Variants in NWD2 observed in about 807,000 individuals in gnomAD.
NWD2 encodes NACHT and WD repeat domain-containing protein 2.
Under a neutral mutation model 132.7 loss-of-function variants are expected in NWD2, and 37 were observed. The observed-to-expected ratio is 0.28, with a 90% CI of 0.21 to 0.37. NWD2 has a LOEUF of 0.37. Among genes scored for constraint, NWD2 ranks in the 10% least tolerant of loss-of-function variants. The pLI, the probability that NWD2 is intolerant of heterozygous loss-of-function variation, is 1.00. For missense variants in NWD2, 1,592 were observed against 2,122.4 expected (o/e 0.75, Z 4.91); for synonymous variants, 705 against 803.0 (o/e 0.88, Z 2.06).
chr4:37,386,283 C>CAT (rs1720563559), intron 3 of NWD2, among the ~76,000 whole-genome samples: 1 of 152,032 alleles, frequency 6.6e-6, no homozygotes, highest in African/African-American at 2.4e-5. Flanking sequence ...CACACACACA[C>CAT]ACATAAATTC....
rs1173198251 is a variant in NWD2, at chr4:37,447,189, G to C, written c.5201G>C (p.Arg1734Thr). Residue 1734 changes from arginine (R) to threonine (T), a missense_variant, in exon 7 of 7, where the codon AGG becomes ACG. Physicochemically the swap from Arg to Thr is moderately conservative, Grantham distance 71. Around this residue, in one of 7 missense-constraint regions of NWD2, gnomAD observed 257 missense variants for 335.0 expected, o/e 0.77. Coordinates refer to ENST00000309447, the MANE Select transcript of NWD2 (RefSeq NM_001144990.2). ...CGGGTATGCTCGGCCCTAGAAGCCA[G>C]GGGCCACAGCTATGCCCCTGATAAC... Reference protein sequence around the residue: ...YERVCSALEARGHSYAPDN With the variant: ...YERVCSALEATGHSYAPDN 1.3e-6 allele frequency: 2 copies of C among 1,551,138 alleles called. No individual in the cohort carries two copies. Among genetic ancestry groups the C allele is most frequent in the Admixed American group, 3.9e-5 (2 of 50,998 alleles).
At chr4:37,434,348 A>G (rs1197628162) in intron 5 of NWD2, among the ~76,000 whole-genome samples, 1 of 152,216 alleles carries the variant, frequency 6.6e-6, no homozygotes, top group Non-Finnish European at 1.5e-5. Context: ...TAATGGATCT[A>G]TTGAGTTCCT....
At chr4:37,290,219 CAT>C (rs1718329829) in intron 1 of NWD2, among the ~76,000 whole-genome samples, 1 of 152,172 alleles carries the variant, frequency 6.6e-6, no homozygotes, top group African/African-American at 2.4e-5. Context: ...CTAGGATAAA[CAT>C]AGACAATACC....
chr4:37,251,421 G>A (rs1717357522), intron 1 of NWD2, among the ~76,000 whole-genome samples: 1 of 152,190 alleles, frequency 6.6e-6, no homozygotes, highest in Non-Finnish European at 1.5e-5. Context: ...ATCTTTCATG[G>A]AATTAGGTGC....
chr4:37,434,544 C>T (rs1001649), intron 5 of NWD2, among the ~76,000 whole-genome samples: 80,366 of 151,946 alleles, frequency 0.53, 21,352 homozygotes, highest in Admixed American at 0.57. Context: ...TAAAATAAAG[C>T]ACAGTCATAG....
chr4:37,395,072 T>C (rs1720760795), intron 3 of NWD2, among the ~76,000 whole-genome samples: 1 of 151,810 alleles, frequency 6.6e-6, no homozygotes, highest in Admixed American at 6.6e-5. Flanking sequence ...CCCCCAATCC[T>C]GGGCTTACAA....
intron 2 of NWD2, among the ~76,000 whole-genome samples, chr4:37,342,485 G>A (rs950769750): frequency 6.6e-6 from 1 of 152,204 alleles, no homozygotes; most frequent in Admixed American, 6.5e-5. Flanking sequence ...TGACAAAGGC[G>A]TATGGTTTGT....
intron 1 of NWD2, among the ~76,000 whole-genome samples, chr4:37,295,092 A>G (rs980122241): frequency 6.6e-6 from 1 of 152,178 alleles, no homozygotes; most frequent in South Asian, 2.1e-4. Context: ...CAGAACAGCT[A>G]CTTGTGGAGA....
chr4:37,258,681 A>G (rs1402220413), intron 1 of NWD2, among the ~76,000 whole-genome samples: 1 of 152,142 alleles, frequency 6.6e-6, no homozygotes, highest in Non-Finnish European at 1.5e-5. Flanking sequence ...CAGGTGGAGG[A>G]AGGCAAGGAG....
At chr4:37,368,212 A>G (rs989720447) in intron 3 of NWD2, among the ~76,000 whole-genome samples, 10 of 152,172 alleles carry the variant, frequency 6.6e-5, no homozygotes, top group Admixed American at 6.6e-5. Context: ...GAGAAACTCT[A>G]AGCTGCCAAA....
chr4:37,439,671 C>T lies in NWD2; in HGVS notation c.1296+281C>T, dbSNP rs1712429236. 6.6e-6 allele frequency among the ~76,000 whole-genome samples: 1 copy of T among 152,184 alleles called. No individual in the cohort carries two copies. Among genetic ancestry groups the T allele is most frequent in the Non-Finnish European group, 1.5e-5 (1 of 68,036 alleles). On this transcript the variant is annotated intron_variant, in intron 6 of 6. Coordinates refer to ENST00000309447, the MANE Select transcript of NWD2 (RefSeq NM_001144990.2). This position sits in a 1 kb window ranked among gnomAD's most constrained non-coding sequence, Gnocchi z 4.5. Reference sequence around the variant, plus strand: ...CCCTCACCCCATTTGGATGAAAACCCAGGCCAATCTCAATAACTGTTCTCA... The same window carrying T: ...CCCTCACCCCATTTGGATGAAAACCTAGGCCAATCTCAATAACTGTTCTCA...
At position 37,445,318 on chromosome 4, in the gene NWD2, T is replaced by A; in HGVS notation, c.3330T>A (p.Gly1110=). 6.4e-7 allele frequency: 1 copy of A among 1,552,114 alleles called. No homozygotes were observed. The highest frequency in any genetic ancestry group is 8.7e-7 in the Non-Finnish European group (1 of 1,147,086). ...EVTCVQCSLD[G]LYAFCGQYLN... ...CGTGCGTCCAGTGCTCCCTGGATGG[T>A]CTGTATGCTTTCTGTGGCCAATACC... Residue 1110 remains glycine, a synonymous_variant, in exon 7 of 7, where the codon GGT becomes GGA. Coordinates refer to ENST00000309447, the MANE Select transcript of NWD2 (RefSeq NM_001144990.2). The surrounding 1 kb of genome is among the most constrained non-coding windows in gnomAD (Gnocchi z 4.7).
intron 3 of NWD2, among the ~76,000 whole-genome samples, chr4:37,392,545 TG>T (rs1277517193): frequency 2.6e-5 from 4 of 152,144 alleles, no homozygotes; most frequent in Non-Finnish European, 2.9e-5. Context: ...AAATGTCTCC[TG>T]GGGAGCAAAA....
chr4:37,307,381 G>A (rs2109279151), intron 1 of NWD2, among the ~76,000 whole-genome samples: 1 of 152,146 alleles, frequency 6.6e-6, no homozygotes, highest in Non-Finnish European at 1.5e-5. Flanking sequence ...GATTTCTGAA[G>A]GATAAGTTTG....
At chr4:37,438,282 A>G (rs982099441) in intron 5 of NWD2, among the ~76,000 whole-genome samples, 1 of 152,086 alleles carries the variant, frequency 6.6e-6, no homozygotes, top group Non-Finnish European at 1.5e-5. Flanking sequence ...AAAAAGAAAA[A>G]AAAATTTGCT....
At chr4:37,397,655 C>T (rs1304481886) in intron 3 of NWD2, among the ~76,000 whole-genome samples, 2 of 152,138 alleles carry the variant, frequency 1.3e-5, no homozygotes, top group Non-Finnish European at 2.9e-5. Flanking sequence ...AATTCCCCAG[C>T]GTTCTCAGGT....
At chr4:37,404,382 T>C (rs369849801) in intron 3 of NWD2, among the ~76,000 whole-genome samples, 3 of 152,162 alleles carry the variant, frequency 2.0e-5, no homozygotes, top group East Asian at 3.8e-4. Flanking sequence ...GTATACCCCA[T>C]CTAGAAGGTC....
At chr4:37,360,277 T>C (rs374613580) in intron 3 of NWD2, among the ~76,000 whole-genome samples, 2 of 152,160 alleles carry the variant, frequency 1.3e-5, no homozygotes, top group East Asian at 3.8e-4. Flanking sequence ...AAATGTAATT[T>C]ATTTTCAAAT....
At chr4:37,321,528 G>T (rs141384832) in intron 1 of NWD2, among the ~76,000 whole-genome samples, 1 of 151,434 alleles carries the variant, frequency 6.6e-6, no homozygotes, top group African/African-American at 2.5e-5. Flanking sequence ...AAATAGTTGC[G>T]ATGACTATGT....
Sources: allele counts gnomAD v4.1 joint callset (sites outside exome capture counted in the v4.1 genomes callset), GRCh38; gene constraint gnomAD v4.1.1; regional missense constraint gnomAD v4.1.1; non-coding constraint Gnocchi (gnomAD v3.1); transcripts MANE v1.5; gene names NCBI Gene and HGNC (gene_info 2026-07-23, HGNC 2026-07-21).